Variants in ITGA3 observed in about 807,000 individuals in gnomAD.
ITGA3 encodes integrin alpha-3.
ITGA3 carries 70 observed loss-of-function variants against 131.1 expected under a neutral mutation model. That is an observed-to-expected ratio of 0.53 (90% CI 0.44 to 0.65). ITGA3 has a LOEUF of 0.65. Among genes scored for constraint, ITGA3 ranks in the 30% least tolerant of loss-of-function variants. ITGA3 has a pLI of 0.00. For missense variants in ITGA3, 1,098 were observed against 1,388.6 expected, an observed-to-expected ratio of 0.79 and a Z score of 3.33; for synonymous variants, 537 against 571.6, an observed-to-expected ratio of 0.94 and a Z score of 0.86.
In ITGA3 at chr17:50,056,827, T is replaced by C. The variant is rs151271604; in HGVS notation, c.206+182T>C. 6.9e-4 allele frequency among the ~76,000 whole-genome samples: 105 copies of C among 152,246 alleles called. No homozygotes were observed. The highest frequency in any genetic ancestry group is 2.4e-3 in the African/African-American group (98 of 41,550). ...TGGGTGTGGGGTCGGGCAGTAATCATTGGCAAGTGCTGACGGGGCCAGAAC... is the reference window on the plus strand; with the variant it reads ...TGGGTGTGGGGTCGGGCAGTAATCACTGGCAAGTGCTGACGGGGCCAGAAC... On this transcript the variant is annotated intron_variant, in intron 1 of 25. Coordinates refer to ENST00000320031, the MANE Select transcript of ITGA3 (RefSeq NM_002204.4). The surrounding 1 kb of genome is among the most constrained non-coding windows in gnomAD (Gnocchi z 5.6).
Position 50,071,514 on chromosome 17 carries a change from G to C in ITGA3, c.955G>C (p.Asp319His). 1 of 1,605,216 alleles carries C rather than the reference G, an allele frequency of 6.2e-7. No individual in the cohort carries two copies. The highest frequency in any genetic ancestry group is 1.1e-5 in the South Asian group (1 of 90,662). Residue 319 changes from aspartate (D) to histidine (H), a missense_variant, in exon 6 of 26, where the codon GAT becomes CAT. Transcript: ENST00000320031. The stretch of plus-strand genomic sequence containing the variant: ...CATTGCCCTGGCAGACCTGAACAAT[G>C]ATGGGTGAGAATCTAGGGACATCCT... ...SAIALADLNNDGWQDLLVGAP... is the reference protein window; with the variant it reads ...SAIALADLNNHGWQDLLVGAP...
chr17:50,083,940 A>T (rs533276554), intron 23 of ITGA3, among the ~76,000 whole-genome samples: 4 of 151,792 alleles, frequency 2.6e-5, no homozygotes, highest in Non-Finnish European at 2.9e-5. Context: ...GGGAAATATT[A>T]AAAAAAATAA....
intron 6 of ITGA3, 90 bp downstream of exon 6, chr17:50,071,608 C>A: frequency 3.3e-6 from 4 of 1,216,250 alleles, no homozygotes; most frequent in Non-Finnish European, 4.6e-6. Context: ...GGAGGATTTG[C>A]AGTTGTGCGG....
At chr17:50,059,612 T>C (rs1052325893) in intron 1 of ITGA3, among the ~76,000 whole-genome samples, 3 of 152,204 alleles carry the variant, frequency 2.0e-5, no homozygotes, top group African/African-American at 7.2e-5. Flanking sequence ...ATCTTTTTCC[T>C]CTGGCTCTAC....
At chr17:50,075,569 C>T (rs530650727) in intron 11 of ITGA3, 30 bp from the exon 12 acceptor site, 1 of 1,614,226 alleles carries the variant, frequency 6.2e-7, no homozygotes, top group African/African-American at 1.3e-5. Flanking sequence ...GCTCCCCTGT[C>T]CCCTTGCTGA....
At position 50,090,142 on chromosome 17, in the gene ITGA3, G is replaced by A. The variant is rs1280746522; in HGVS notation, c.*1064G>A. 9 of 427,140 alleles carry A rather than the reference G, an allele frequency of 2.1e-5. No homozygotes were observed. Among genetic ancestry groups the A allele is most frequent in the South Asian group, 6.4e-5 (4 of 62,674 alleles). 26.5% of individuals were successfully genotyped at this position (427,140 alleles called of 1,614,324 possible). A position where few individuals can be genotyped will look rare whatever the true frequency, so the allele number is the denominator to read the frequency against. ...GACCCTGCAAGACCACGGAGGGAGC[G>A]ACACTTGAATGTAGAATAGGCAGGG... On this transcript the variant is annotated 3_prime_UTR_variant, in exon 26 of 26. Transcript: ENST00000320031.
rs1169714225 is a variant in ITGA3, at chr17:50,090,072, A to G, written c.*994A>G. 1.2e-5 allele frequency: 4 copies of G among 336,518 alleles called. No individual in the cohort carries two copies. Among genetic ancestry groups the G allele is most frequent in the African/African-American group, 8.6e-5 (4 of 46,466 alleles). The allele number at this position is 336,518 out of a possible 1,614,324, so 20.8% of individuals were successfully genotyped here. A position where few individuals can be genotyped will look rare whatever the true frequency, so the allele number is the denominator to read the frequency against. On this transcript the variant is annotated 3_prime_UTR_variant, in exon 26 of 26. Transcript: ENST00000320031. ...GTTGGGAGGATACAGAGGAGATGCC[A>G]CTTCTCACTCACCACTACCAGCCAG...
At chr17:50,088,102 C>A in intron 24 of ITGA3, 123 bp from the exon 25 acceptor site, 1 of 1,339,554 alleles carries the variant, frequency 7.5e-7, no homozygotes, top group Non-Finnish European at 1.0e-6. Context: ...ACCACACCAC[C>A]AAGCTGGGAC....
intron 3 of ITGA3, chr17:50,065,492 A>C (rs1908295820): frequency 1.3e-5 from 2 of 152,234 alleles, no homozygotes; most frequent in South Asian, 4.1e-4. Flanking sequence ...TACTTTCTTC[A>C]GACATGAATT....
At chr17:50,085,227 A>AAGGAAGAGAGGG (rs983363163) in intron 23 of ITGA3, among the ~76,000 whole-genome samples, 1 of 150,992 alleles carries the variant, frequency 6.6e-6, no homozygotes, top group Non-Finnish European at 1.5e-5. Flanking sequence ...AAAAGGGAGG[A>AAGGAAGAGAGGG]AGGAAGAGAG....
At position 50,077,153 on chromosome 17, in the gene ITGA3, G is replaced by T. The variant is rs757487285; in HGVS notation, c.2070+32G>T. 2.6e-6 allele frequency: 4 copies of T among 1,514,926 alleles called. No homozygotes were observed. In the Admixed American group the frequency reaches 6.3e-5, roughly 24 times the overall value. The allele number at this position is 1,514,926 out of a possible 1,614,324, so 93.8% of individuals were successfully genotyped here. ...GCCCGCCGGCCGGCTCAGAGCCCAAGCAGGGCTCCCCGCGTCTTTGCATCC... is the reference window on the plus strand; with the variant it reads ...GCCCGCCGGCCGGCTCAGAGCCCAATCAGGGCTCCCCGCGTCTTTGCATCC... On this transcript the variant is annotated intron_variant, in intron 15 of 25. Transcript: ENST00000320031.
chr17:50,080,472 G>GTGTGTT, intron 22 of ITGA3, 97 bp downstream of exon 22: 2 of 485,250 alleles, frequency 4.1e-6, no homozygotes, highest in Non-Finnish European at 7.7e-6. Context: ...GGGTGTGTGT[G>GTGTGTT]TGTGTGTGTG....
At chr17:50,068,396 C>T (rs1043011767) in intron 4 of ITGA3, 91 bp downstream of exon 4, 29 of 1,411,170 alleles carry the variant, frequency 2.1e-5, no homozygotes, top group African/African-American at 2.8e-5. Context: ...AGACCATCCA[C>T]ACTAGAAACA....
chr17:50,080,492 G>GTC (rs1909143805), intron 22 of ITGA3, 117 bp downstream of exon 22: 1 of 604,486 alleles, frequency 1.7e-6, no homozygotes, highest in African/African-American at 1.9e-5. Flanking sequence ...GTGTGTGTGT[G>GTC]TGTGTGTGTG....
chr17:50,070,901 A>G lies in ITGA3; in HGVS notation c.722A>G (p.Asp241Gly). The G allele has an allele frequency of 6.2e-7, 1 of 1,611,270 alleles. No individual in the cohort carries two copies. The highest frequency in any genetic ancestry group is 8.5e-7 in the Non-Finnish European group (1 of 1,177,568). Residue 241 changes from aspartate (D) to glycine (G), a missense_variant, in exon 5 of 26, where the codon GAC becomes GGC. Asp to Gly is a moderately conservative substitution (Grantham distance 94). Around this residue, in one of 3 missense-constraint regions of ITGA3, gnomAD observed 356 missense variants for 529.2 expected, o/e 0.67. Transcript: ENST00000320031. Reference protein sequence around the residue: ...EWDLSEYSYKDPEDQGNLYIG... With the variant: ...EWDLSEYSYKGPEDQGNLYIG... ...GACTTATCTGAGTATAGTTACAAGG[A>G]CCCAGAGGACCAAGGAAACCTCTAT...
Position 50,078,230 on chromosome 17 carries a change from G to T in ITGA3, c.2243G>T (p.Trp748Leu). ...AGGTCGAGTCACCAGGACAACCTGT[G>T]GCCCATGATCCTCACTCTGCTGGTG... ...LSTSSHQDNL[W>L]PMILTLLVDY... The change falls in exon 18 of 26, where the codon TGG becomes TTG. Residue 748 changes from tryptophan (W) to leucine (L), a missense_variant. Trp to Leu is a moderately conservative substitution (Grantham distance 61). Around this residue, in one of 3 missense-constraint regions of ITGA3, gnomAD observed 699 missense variants for 829.2 expected, o/e 0.84. Coordinates refer to ENST00000320031, the MANE Select transcript of ITGA3 (RefSeq NM_002204.4). 6.2e-7 allele frequency: 1 copy of T among 1,614,020 alleles called. No individual in the cohort carries two copies. Among genetic ancestry groups the T allele is most frequent in the Non-Finnish European group, 8.5e-7 (1 of 1,179,980 alleles).
In ITGA3 at chr17:50,087,756, A is replaced by C; in HGVS notation, c.2932A>C (p.Ile978Leu). ...CTCCCCGCTCCAGTTCTCTGTGGAC[A>C]TTGACTCGGAGCTGGTGGAGGAGCT... ...ENKTTWFSVD[I>L]DSELVEELPA... The change falls in exon 24 of 26, where the codon ATT becomes CTT. Residue 978 changes from isoleucine (I) to leucine (L), a missense_variant. Ile to Leu is a conservative substitution (Grantham distance 5, BLOSUM62 2). Coordinates refer to ENST00000320031, the MANE Select transcript of ITGA3 (RefSeq NM_002204.4). 1 of 1,613,252 alleles carries C rather than the reference A, an allele frequency of 6.2e-7. No individual in the cohort carries two copies. Among genetic ancestry groups the C allele is most frequent in the Non-Finnish European group, 8.5e-7 (1 of 1,179,786 alleles).
Position 50,076,483 on chromosome 17 carries a change from G to A in ITGA3, c.1824+8G>A. ...CTGGAGAACCACACTGAGGTGAGTG[G>A]GGCTGGCGCCTGGACTGGAAGACCA... is the stretch of plus-strand genomic sequence containing the variant. On this transcript the variant is annotated splice_region_variant and intron_variant, in intron 13 of 25. Coordinates refer to ENST00000320031, the MANE Select transcript of ITGA3 (RefSeq NM_002204.4). 1 of 1,608,142 alleles carries A rather than the reference G, an allele frequency of 6.2e-7. No individual in the cohort carries two copies. Among genetic ancestry groups the A allele is most frequent in the South Asian group, 1.1e-5 (1 of 91,076 alleles).
Position 50,088,381 on chromosome 17 carries a change from G to C in ITGA3, c.*31+15G>C, listed in dbSNP as rs1282931081. 1.4e-6 allele frequency: 2 copies of C among 1,420,172 alleles called. No individual in the cohort carries two copies. The highest frequency in any genetic ancestry group is 2.8e-5 in the African/African-American group (2 of 70,548). 88.0% of individuals were successfully genotyped at this position (1,420,172 alleles called of 1,614,324 possible). On this transcript the variant is annotated intron_variant, in intron 25 of 25. Transcript: ENST00000320031. ...GGCCCACCTGGGTAACACGGCCTCC[G>C]GGCCCCCTTCCCCGAGCCCCACAGC...
Sources: gnomAD v4.1 joint callset for allele counts (sites outside exome capture counted in the v4.1 genomes callset) on GRCh38, gnomAD v4.1.1 for gene constraint, gnomAD v4.1.1 regional missense constraint, Gnocchi (gnomAD v3.1) non-coding constraint, MANE v1.5 for transcripts, NCBI Gene and HGNC (gene_info 2026-07-23, HGNC 2026-07-21) for gene names.